The following CSNK1G1 variants were observed in gnomAD, a reference collection of about 807,000 sequenced individuals.
The protein encoded by CSNK1G1 is casein kinase 1 gamma 1.
A neutral mutation model predicts 59.6 loss-of-function variants in CSNK1G1; 22 were observed. The ratio of observed to expected loss-of-function variants is 0.37; its 90% CI spans 0.26 to 0.53. CSNK1G1 has a LOEUF of 0.53. CSNK1G1 is among the 20% of genes least tolerant of loss of function. The probability of loss-of-function intolerance (pLI) is 0.89; values close to 1 mark genes in which losing one functional copy is unlikely to be tolerated. For synonymous variants in CSNK1G1, 179 were observed against 177.1 expected, an observed-to-expected ratio of 1.01 and a Z score of -0.08; for missense variants, 384 against 519.5, an observed-to-expected ratio of 0.74 and a Z score of 2.54.
At chr15:64,222,437 C>CAAAAAAAAAAAAAA (rs1170075981) in intron 4 of CSNK1G1, among the ~76,000 whole-genome samples, 1 of 69,004 alleles carries the variant, frequency 1.4e-5, no homozygotes, top group African/African-American at 7.1e-5. Flanking sequence ...ACAACACCAC[C>CAAAAAAAAAAAAAA]AAAAAAAAAA....
intron 3 of CSNK1G1, among the ~76,000 whole-genome samples, chr15:64,255,075 C>T (rs1007966770): frequency 4.6e-5 from 7 of 151,906 alleles, no homozygotes; most frequent in Admixed American, 2.0e-4. Context: ...GTTATTTGTC[C>T]TTTTTTTCTT....
chr15:64,237,302 T>C (rs2082629538), intron 4 of CSNK1G1, among the ~76,000 whole-genome samples: 1 of 152,144 alleles, frequency 6.6e-6, no homozygotes, highest in Non-Finnish European at 1.5e-5. Context: ...CAAAATAACT[T>C]TTCCCTGAAT....
intron 1 of CSNK1G1, among the ~76,000 whole-genome samples, chr15:64,333,888 T>C (rs1897246473): frequency 6.6e-6 from 1 of 152,150 alleles, no homozygotes; most frequent in Non-Finnish European, 1.5e-5. Context: ...CTGGAGCATC[T>C]AGATTCATAG....
chr15:64,228,876 G>C (rs2082499780), intron 4 of CSNK1G1, among the ~76,000 whole-genome samples: 1 of 151,908 alleles, frequency 6.6e-6, no homozygotes, highest in African/African-American at 2.4e-5. Context: ...AAATTAGCCA[G>C]GTGTGGTGGT....
chr15:64,258,657 T>G (rs775492278), intron 3 of CSNK1G1, among the ~76,000 whole-genome samples: 10 of 152,124 alleles, frequency 6.6e-5, no homozygotes, highest in Non-Finnish European at 1.3e-4. Flanking sequence ...AATAATAAAA[T>G]TATTACTTTT....
At chr15:64,178,813 G>A (rs1313824132) in intron 11 of CSNK1G1, among the ~76,000 whole-genome samples, 1 of 151,574 alleles carries the variant, frequency 6.6e-6, no homozygotes, top group Non-Finnish European at 1.5e-5. Flanking sequence ...TGACAGGGTC[G>A]CACCTATCAC....
At chr15:64,190,540 A>G (rs1390533257) in intron 10 of CSNK1G1, among the ~76,000 whole-genome samples, 2 of 151,938 alleles carry the variant, frequency 1.3e-5, no homozygotes, top group East Asian at 3.9e-4. Flanking sequence ...TCAGCCTCCC[A>G]AGTAGCTGGG....
At chr15:64,196,022 G>A (rs964814721) in intron 10 of CSNK1G1, among the ~76,000 whole-genome samples, 19 of 152,166 alleles carry the variant, frequency 1.2e-4, no homozygotes, top group African/African-American at 4.3e-4. Context: ...TTGAGCCCAG[G>A]AGTTTGAGAC....
intron 2 of CSNK1G1, among the ~76,000 whole-genome samples, chr15:64,268,175 G>A (rs1893083686): frequency 6.6e-6 from 1 of 152,106 alleles, no homozygotes; most frequent in African/African-American, 2.4e-5. Flanking sequence ...TGTCATTTGT[G>A]GCAAAGGAAT....
intron 1 of CSNK1G1, among the ~76,000 whole-genome samples, chr15:64,337,990 T>C (rs186616012): frequency 7.9e-5 from 12 of 152,360 alleles, no homozygotes; most frequent in African/African-American, 2.9e-4. Context: ...TTTGTATGTA[T>C]ATACTACATA....
Position 64,176,384 on chromosome 15 carries a change from T to C in CSNK1G1, c.1214+3964A>G. ...AATGGAAGCGACTCCCTGTGAGCCA[T>C]GCAAACATGCAGTATGTGTCTGTGT... On this transcript the variant is annotated intron_variant, in intron 11 of 11. Coordinates refer to ENST00000303052, the MANE Select transcript of CSNK1G1 (RefSeq NM_022048.5). This position sits in a 1 kb window ranked among gnomAD's most constrained non-coding sequence, Gnocchi z 5.2. 2.5e-6 allele frequency: 1 copy of C among 397,954 alleles called. No individual in the cohort carries two copies. Among genetic ancestry groups the C allele is most frequent in the Non-Finnish European group, 4.4e-6 (1 of 225,882 alleles). The allele number at this position is 397,954 out of a possible 1,614,324, so 24.7% of individuals were successfully genotyped here.
intron 10 of CSNK1G1, among the ~76,000 whole-genome samples, chr15:64,183,075 C>T (rs974219825): frequency 3.3e-5 from 5 of 152,198 alleles, no homozygotes; most frequent in Admixed American, 3.3e-4. Context: ...AGGAACTAGA[C>T]AAGACGTTAA....
chr15:64,266,125 C>T (rs997057132), intron 2 of CSNK1G1, among the ~76,000 whole-genome samples: 2 of 152,066 alleles, frequency 1.3e-5, no homozygotes, highest in South Asian at 4.2e-4. Flanking sequence ...TGCAGCGACA[C>T]GATCTCGGCT....
intron 3 of CSNK1G1, among the ~76,000 whole-genome samples, chr15:64,254,277 G>A (rs557454068): frequency 6.6e-6 from 1 of 152,092 alleles, no homozygotes; most frequent in Admixed American, 6.6e-5. Context: ...ATTTCAGTTA[G>A]GGAAGATGAA....
chr15:64,240,525 G>C (rs1054767227), intron 4 of CSNK1G1, among the ~76,000 whole-genome samples: 1 of 151,412 alleles, frequency 6.6e-6, no homozygotes, highest in Non-Finnish European at 1.5e-5. Flanking sequence ...CACAAAGAGA[G>C]TACTCTAAAA....
Position 64,287,977 on chromosome 15 carries a change from T to C in CSNK1G1, c.181+12342A>G, listed in dbSNP as rs543159301. On this transcript the variant is annotated intron_variant, in intron 2 of 11. Transcript: ENST00000303052. ...CTAGAGATGTCAACATTTTGGAAGA[T>C]GAGAATTGAATAAACAAATGGTAAA... Among the ~76,000 whole-genome samples the C allele has an allele frequency of 2.6e-5, 4 of 152,098 alleles. No individual in the cohort carries two copies. The South Asian group carries it at 8.3e-4, about 32-fold the overall frequency.
At chr15:64,224,689 T>C (rs1245214417) in intron 4 of CSNK1G1, among the ~76,000 whole-genome samples, 3 of 152,104 alleles carry the variant, frequency 2.0e-5, no homozygotes, top group East Asian at 3.8e-4. Flanking sequence ...TAATGAAAAA[T>C]GTTTTACAAT....
intron 1 of CSNK1G1, among the ~76,000 whole-genome samples, chr15:64,347,029 T>C (rs138620801): frequency 2.6e-5 from 4 of 152,282 alleles, no homozygotes; most frequent in East Asian, 1.9e-4. Context: ...CAAAAAGGTA[T>C]AGAAATGTCA....
chr15:64,202,107 C>G (rs1181562089), intron 10 of CSNK1G1, among the ~76,000 whole-genome samples: 1 of 152,100 alleles, frequency 6.6e-6, no homozygotes, highest in Non-Finnish European at 1.5e-5. Context: ...TCACTGAGAC[C>G]ACTAGTTTTC....
Sources: gnomAD v4.1 joint callset for allele counts (sites outside exome capture counted in the v4.1 genomes callset) on GRCh38, gnomAD v4.1.1 for gene constraint, Gnocchi (gnomAD v3.1) non-coding constraint, MANE v1.5 for transcripts, NCBI Gene and HGNC (gene_info 2026-07-23, HGNC 2026-07-21) for gene names.